Variants in SCUBE1 observed in about 807,000 individuals in gnomAD.
The protein encoded by SCUBE1 is signal peptide, CUB and EGF-like domain-containing protein 1.
In SCUBE1, 59 loss-of-function variants were observed where a neutral mutation model predicts 124.4. That is an observed-to-expected ratio of 0.47 (90% CI 0.38 to 0.59). SCUBE1 has a LOEUF of 0.59. Among genes scored for constraint, SCUBE1 ranks in the 20% least tolerant of loss-of-function variants. The pLI, the probability that SCUBE1 is intolerant of heterozygous loss-of-function variation, is 0.00. For synonymous variants in SCUBE1, 545 were observed against 550.9 expected, an observed-to-expected ratio of 0.99 and a Z score of 0.15; for missense variants, 1,150 against 1,371.2, an observed-to-expected ratio of 0.84 and a Z score of 2.55.
chr22:43,339,683 C>CCAACCCTCCCCCACTCTCCTCATTCTAT (rs1927217451), intron 1 of SCUBE1, among the ~76,000 whole-genome samples: 1 of 64,736 alleles, frequency 1.5e-5, no homozygotes, highest in African/African-American at 7.7e-5. Context: ...CTCACTCTAT[C>CCAACCCTCCCCCACTCTCCTCATTCTAT]CCCCCACAAG....
intron 19 of SCUBE1, 63 bp from the exon 20 acceptor site, chr22:43,208,287 T>G (rs1333734492): frequency 6.6e-7 from 1 of 1,521,476 alleles, no homozygotes; most frequent in Non-Finnish European, 9.1e-7. Flanking sequence ...CCTAGGCCAC[T>G]CGCCTCCCAT....
chr22:43,308,145 C>T (rs554915134), intron 3 of SCUBE1, among the ~76,000 whole-genome samples: 2 of 152,206 alleles, frequency 1.3e-5, no homozygotes, highest in Non-Finnish European at 2.9e-5. Context: ...AAGAAGGAAG[C>T]GAGTCTATAA....
chr22:43,343,118 C>T (rs1927385399), intron 1 of SCUBE1, 56 bp downstream of exon 1: 1 of 921,414 alleles, frequency 1.1e-6, no homozygotes, highest in Non-Finnish European at 1.4e-6. Flanking sequence ...CGGGACCGCG[C>T]CTCGGCCGCC....
At chr22:43,308,464 C>T (rs1332572884) in intron 3 of SCUBE1, among the ~76,000 whole-genome samples, 1 of 152,210 alleles carries the variant, frequency 6.6e-6, no homozygotes, top group Non-Finnish European at 1.5e-5. Context: ...TTAAGATGAT[C>T]AGCATTTTTT....
chr22:43,278,195 G>A (rs1188418690), intron 4 of SCUBE1, among the ~76,000 whole-genome samples: 2 of 152,250 alleles, frequency 1.3e-5, no homozygotes, highest in East Asian at 1.9e-4. Flanking sequence ...GGCCTCCTCC[G>A]GTAGCACCAT....
intron 2 of SCUBE1, among the ~76,000 whole-genome samples, chr22:43,334,132 C>T (rs181566448): frequency 1.6e-3 from 241 of 152,324 alleles, no homozygotes; most frequent in African/African-American, 5.6e-3. Context: ...TGCAGGAACC[C>T]AGGGAGGGAA....
chr22:43,203,712 C>T lies in SCUBE1; in HGVS notation c.*285G>A. On this transcript the variant is annotated 3_prime_UTR_variant, in exon 22 of 22. Transcript: ENST00000360835. ...CAGGCCAGGCAGAGGGTCCTGCAATCCTGCTACCTGCAGTCGGTCTGCCAG... is the reference window on the plus strand; with the variant it reads ...CAGGCCAGGCAGAGGGTCCTGCAATTCTGCTACCTGCAGTCGGTCTGCCAG... 2.8e-6 allele frequency: 1 copy of T among 360,128 alleles called. No homozygotes were observed. The allele number at this position is 360,128 out of a possible 1,614,324, so 22.3% of individuals were successfully genotyped here.
At chr22:43,251,515 G>A (rs757452051) in intron 6 of SCUBE1, among the ~76,000 whole-genome samples, 2 of 152,172 alleles carry the variant, frequency 1.3e-5, no homozygotes, top group Non-Finnish European at 2.9e-5. Context: ...GTGATCACAG[G>A]GGTCCTTGAG....
At chr22:43,312,856 C>T (rs926845455) in intron 3 of SCUBE1, among the ~76,000 whole-genome samples, 41 of 152,004 alleles carry the variant, frequency 2.7e-4, no homozygotes, top group African/African-American at 9.4e-4. Context: ...TAACACCCTA[C>T]GACAAGGAGG....
rs1184963192 is a variant in SCUBE1 at position 43,201,750 on chromosome 22, T to C, written c.*2247A>G. 6.6e-6 allele frequency: 1 copy of C among 152,174 alleles called. No individual in the cohort carries two copies. The highest frequency in any genetic ancestry group is 1.5e-5 in the Non-Finnish European group (1 of 68,060). 9.4% of individuals were successfully genotyped at this position (152,174 alleles called of 1,614,324 possible). On this transcript the variant is annotated 3_prime_UTR_variant, in exon 22 of 22. Transcript: ENST00000360835. ...TTGGCCTCCAGAATCTGTGAGCCAG[T>C]TCCCATAATGCAGCCCCTCACACAT...
intron 4 of SCUBE1, among the ~76,000 whole-genome samples, chr22:43,284,246 G>A (rs938851319): frequency 3.3e-4 from 50 of 152,350 alleles, no homozygotes; most frequent in African/African-American, 1.1e-3. Flanking sequence ...CTCCGTAACT[G>A]AGTTCATAAC....
chr22:43,251,661 A>C (rs1417513197), intron 6 of SCUBE1, among the ~76,000 whole-genome samples: 2 of 152,180 alleles, frequency 1.3e-5, no homozygotes, highest in African/African-American at 2.4e-5. Context: ...TGGAAAGGCA[A>C]GGAAGGGGAT....
Position 43,222,717 on chromosome 22 carries a change from G to C in SCUBE1, c.1353C>G (p.Ser451Arg). Residue 451 changes from serine (S) to arginine (R), a missense_variant, in exon 12 of 22, where the codon AGC (serine) becomes AGG (arginine). Around this residue, in one of 3 missense-constraint regions of SCUBE1, gnomAD observed 757 missense variants for 840.9 expected, o/e 0.90. Transcript: ENST00000360835. ...TGCCCTGCGGCCCTGGAACTCCGCA[G>C]CTCAGGACGTAGCTATTTTCCGAGT... is the stretch of plus-strand genomic sequence containing the variant. ...VPDSENSYVL[S>R]CGVPGPQGKA... The C allele has an allele frequency of 1.2e-6, 2 of 1,605,064 alleles. No individual in the cohort carries two copies. Among genetic ancestry groups the C allele is most frequent in the Non-Finnish European group, 1.7e-6 (2 of 1,175,860 alleles).
chr22:43,242,545 T>C (rs1923047377), intron 6 of SCUBE1, among the ~76,000 whole-genome samples: 1 of 152,194 alleles, frequency 6.6e-6, no homozygotes, highest in African/African-American at 2.4e-5. Flanking sequence ...CTGGGTCCCA[T>C]CCCGGCCTCT....
chr22:43,343,108 C>T (rs1927384976), intron 1 of SCUBE1, 66 bp downstream of exon 1: 1 of 813,898 alleles, frequency 1.2e-6, no homozygotes, highest in Non-Finnish European at 1.6e-6. Flanking sequence ...AGAAGCCCTC[C>T]GGGACCGCGC....
rs542510689 is a variant in SCUBE1 at position 43,284,441 on chromosome 22, C to T, written c.484+6605G>A. Among the ~76,000 whole-genome samples the T allele has an allele frequency of 5.3e-5, 8 of 152,336 alleles. No individual in the cohort carries two copies. In the South Asian group the frequency reaches 1.7e-3, roughly 32 times the overall value. On this transcript the variant is annotated intron_variant, in intron 4 of 21. Coordinates refer to ENST00000360835, the MANE Select transcript of SCUBE1 (RefSeq NM_173050.5). ...GTGGTGCCAGCTATAAAGGCATCTC[C>T]GTTGAACCTCAGGCCCCGCCTGAGT...
intron 2 of SCUBE1, among the ~76,000 whole-genome samples, chr22:43,321,682 TC>T (rs1451578357): frequency 3.9e-5 from 6 of 152,224 alleles, no homozygotes; most frequent in Admixed American, 3.9e-4. Flanking sequence ...AGAAGTCCTC[TC>T]CTAATCTGCC....
intron 16 of SCUBE1, 44 bp downstream of exon 16, chr22:43,214,046 C>CGGGGGGG: frequency 1.4e-5 from 6 of 422,702 alleles, no homozygotes; most frequent in South Asian, 2.4e-5. Context: ...GAGGAGCCCC[C>CGGGGGGG]GCCCACCCCC....
chr22:43,227,348 G>T (rs1040250691), intron 10 of SCUBE1, 26 bp downstream of exon 10: 2 of 1,599,254 alleles, frequency 1.3e-6, no homozygotes, highest in African/African-American at 2.7e-5. Context: ...CAGGGGAGGG[G>T]CCAGCAGCAC....
Sources: allele counts gnomAD v4.1 joint callset (sites outside exome capture counted in the v4.1 genomes callset), GRCh38; gene constraint gnomAD v4.1.1; regional missense constraint gnomAD v4.1.1; transcripts MANE v1.5; gene names NCBI Gene and HGNC (gene_info 2026-07-23, HGNC 2026-07-21).